GUCY1A2: variants seen among roughly 807,000 people sequenced by gnomAD.
GUCY1A2 encodes guanylate cyclase soluble subunit alpha-2.
In GUCY1A2, 27 loss-of-function variants were observed where a neutral mutation model predicts 63.5. The ratio of observed to expected loss-of-function variants is 0.43; its 90% CI spans 0.31 to 0.59. GUCY1A2 has a LOEUF of 0.59. Among genes scored for constraint, GUCY1A2 ranks in the 20% least tolerant of loss-of-function variants. The pLI, the probability that GUCY1A2 is intolerant of heterozygous loss-of-function variation, is 0.11. For missense variants in GUCY1A2, 768 were observed against 913.3 expected (o/e 0.84, Z 2.05); for synonymous variants, 364 against 343.5 (o/e 1.06, Z -0.66).
chr11:106,997,014 A>G (rs536515536), intron 1 of GUCY1A2, among the ~76,000 whole-genome samples: 4 of 152,320 alleles, frequency 2.6e-5, no homozygotes, highest in South Asian at 4.1e-4. Flanking sequence ...TGGAAAAAAA[A>G]TTCATGCAGG....
chr11:106,797,406 G>T (rs1864785861), intron 5 of GUCY1A2, among the ~76,000 whole-genome samples: 1 of 152,058 alleles, frequency 6.6e-6, no homozygotes, highest in Non-Finnish European at 1.5e-5. Context: ...TCCAGGAATT[G>T]AACTCAACTC....
intron 4 of GUCY1A2, among the ~76,000 whole-genome samples, chr11:106,924,008 G>A (rs886689984): frequency 2.0e-5 from 3 of 152,078 alleles, no homozygotes; most frequent in Admixed American, 6.5e-5. Context: ...AATCTTTGAC[G>A]AATGTTACAT....
intron 4 of GUCY1A2, among the ~76,000 whole-genome samples, chr11:106,833,980 A>G (rs1859085332): frequency 6.6e-6 from 1 of 152,070 alleles, no homozygotes; most frequent in Admixed American, 6.6e-5. Flanking sequence ...TGTGTACAAC[A>G]TCATGTTTTG....
rs17106130 is a variant in GUCY1A2 at position 106,858,109 on chromosome 11, A to G, written c.1207-47631T>C. Among the ~76,000 whole-genome samples, 3 of 152,266 alleles carry G rather than the reference A, an allele frequency of 2.0e-5. No individual in the cohort carries two copies. The South Asian group carries it at 6.2e-4, about 32-fold the overall frequency. On this transcript the variant is annotated intron_variant, in intron 4 of 7. Coordinates refer to ENST00000526355, the MANE Select transcript of GUCY1A2 (RefSeq NM_000855.3). ...ATATATTGTCTAAAGCTTTCACTTC[A>G]ATTCATCATCATGCCTAAATTTTCA...
chr11:106,988,648 A>G (rs1329907519), intron 1 of GUCY1A2, among the ~76,000 whole-genome samples: 6 of 152,220 alleles, frequency 3.9e-5, no homozygotes, highest in African/African-American at 1.4e-4. Context: ...AGCACATCCA[A>G]CAAAGCTTCA....
chr11:106,913,216 G>T (rs576000717), intron 4 of GUCY1A2, among the ~76,000 whole-genome samples: 5 of 152,124 alleles, frequency 3.3e-5, no homozygotes, highest in Non-Finnish European at 7.4e-5. Flanking sequence ...TAGTTCGCTT[G>T]CACTGCTATA....
chr11:106,819,420 A>G (rs898752346), intron 4 of GUCY1A2, among the ~76,000 whole-genome samples: 1 of 152,138 alleles, frequency 6.6e-6, no homozygotes, highest in Non-Finnish European at 1.5e-5. Flanking sequence ...CGATGCAGCA[A>G]ACTTCATTGC....
chr11:106,981,367 T>C (rs1861332331), intron 2 of GUCY1A2, among the ~76,000 whole-genome samples: 1 of 151,938 alleles, frequency 6.6e-6, no homozygotes, highest in Admixed American at 6.6e-5. Context: ...ACATTAATAA[T>C]TGGAGCAATA....
At chr11:106,908,861 A>C (rs1030560057) in intron 4 of GUCY1A2, among the ~76,000 whole-genome samples, 3 of 152,070 alleles carry the variant, frequency 2.0e-5, no homozygotes, top group African/African-American at 7.2e-5. Context: ...GGTCTGAGCT[A>C]CCCTACAAAA....
At chr11:106,766,610 A>G (rs1371548014) in intron 6 of GUCY1A2, among the ~76,000 whole-genome samples, 2 of 152,114 alleles carry the variant, frequency 1.3e-5, no homozygotes, top group Non-Finnish European at 2.9e-5. Flanking sequence ...TTTATTTGAA[A>G]CGAGATATGA....
chr11:106,926,973 T>C (rs1363993335), intron 4 of GUCY1A2, among the ~76,000 whole-genome samples: 1 of 150,360 alleles, frequency 6.7e-6, no homozygotes, highest in Non-Finnish European at 1.5e-5. Context: ...CATTCTCTTC[T>C]GTAATTCAGT....
At chr11:106,866,125 G>A (rs922594488) in intron 4 of GUCY1A2, among the ~76,000 whole-genome samples, 2 of 151,922 alleles carry the variant, frequency 1.3e-5, no homozygotes, top group Non-Finnish European at 1.5e-5. Flanking sequence ...AAAAGAACTA[G>A]ATCAGGAACA....
intron 1 of GUCY1A2, among the ~76,000 whole-genome samples, chr11:106,992,186 G>A (rs1010379127): frequency 2.0e-5 from 3 of 151,938 alleles, no homozygotes; most frequent in Non-Finnish European, 4.4e-5. Context: ...TATCCTAATT[G>A]ATCCTTGCAC....
chr11:106,831,368 G>A (rs1859048501), intron 4 of GUCY1A2, among the ~76,000 whole-genome samples: 1 of 152,182 alleles, frequency 6.6e-6, no homozygotes, highest in South Asian at 2.1e-4. Context: ...TTGGAAGCTT[G>A]CTGTGCTGGT....
chr11:106,939,437 C>G, intron 4 of GUCY1A2, 23 bp downstream of exon 4: 1 of 1,160,200 alleles, frequency 8.6e-7, no homozygotes, highest in Admixed American at 1.9e-5. Context: ...TTCCCATCAC[C>G]ATCTCAAGTC....
intron 6 of GUCY1A2, among the ~76,000 whole-genome samples, chr11:106,750,010 T>C (rs923158062): frequency 6.6e-6 from 1 of 152,130 alleles, no homozygotes; most frequent in Non-Finnish European, 1.5e-5. Flanking sequence ...AGTCCCATGA[T>C]AGGCTATCTG....
intron 4 of GUCY1A2, among the ~76,000 whole-genome samples, chr11:106,923,690 G>A (rs1027925404): frequency 2.0e-5 from 3 of 151,956 alleles, no homozygotes; most frequent in African/African-American, 4.8e-5. Context: ...AACAATATAT[G>A]AAAACTATAT....
rs959327328 is a variant in GUCY1A2, at chr11:107,000,139, G to GA, written c.304-14009dup. Among the ~76,000 whole-genome samples, 6 of 152,110 alleles carry GA rather than the reference G, an allele frequency of 3.9e-5. No homozygotes were observed. The East Asian group carries it at 7.7e-4, about 20-fold the overall frequency. On this transcript the variant is annotated intron_variant, in intron 1 of 7. Coordinates refer to ENST00000526355, the MANE Select transcript of GUCY1A2 (RefSeq NM_000855.3). ...TATAAATTGCAGGTATACTTTTGGAGAAAAAAATTTAATTCAGAACAAAGG... is the reference window on the plus strand; with the variant it reads ...TATAAATTGCAGGTATACTTTTGGAGAAAAAAAATTTAATTCAGAACAAAGG...
chr11:106,943,845 G>A (rs1253237449), intron 3 of GUCY1A2, among the ~76,000 whole-genome samples: 3 of 152,016 alleles, frequency 2.0e-5, no homozygotes, highest in Non-Finnish European at 2.9e-5. Flanking sequence ...GAGTACCCAC[G>A]GAAGTAGAAG....
Sources: gnomAD v4.1 joint callset for allele counts (sites outside exome capture counted in the v4.1 genomes callset) on GRCh38, gnomAD v4.1.1 for gene constraint, MANE v1.5 for transcripts, NCBI Gene and HGNC (gene_info 2026-07-23, HGNC 2026-07-21) for gene names.